The following AP1M1 variants were observed in gnomAD, a reference collection of about 807,000 sequenced individuals.
The protein encoded by AP1M1 is AP-1 complex subunit mu-1.
Under a neutral mutation model 57.1 loss-of-function variants are expected in AP1M1, and 18 were observed. The observed-to-expected ratio is 0.32, with a 90% confidence interval of 0.22 to 0.47. The LOEUF (loss-of-function observed/expected upper bound fraction) is 0.47. Ranked by LOEUF, AP1M1 falls within the 20% of genes least tolerant of loss-of-function variation. The probability of loss-of-function intolerance (pLI) is 1.00; values close to 1 mark genes in which losing one functional copy is unlikely to be tolerated. For missense variants in AP1M1, 362 were observed against 593.5 expected, an observed-to-expected ratio of 0.61 and a Z score of 4.05; for synonymous variants, 241 against 237.9, an observed-to-expected ratio of 1.01 and a Z score of -0.12.
At chr19:16,222,197 C>T (rs28461378) in intron 5 of AP1M1, among the ~76,000 whole-genome samples, 1,588 of 118,840 alleles carry the variant, frequency 0.013, 45 homozygotes, top group African/African-American at 0.046. Flanking sequence ...ATTATTATTA[C>T]TATTATTATT....
intron 10 of AP1M1, chr19:16,233,946 C>T (rs977466575): frequency 2.2e-5 from 12 of 552,996 alleles, no homozygotes; most frequent in East Asian, 1.5e-4. Flanking sequence ...GCCTTCTGGC[C>T]GGGCCCCCCA....
At position 16,238,395 on chromosome 19, in the gene AP1M1, C is replaced by A. The variant is rs2091633154; in HGVS notation, c.*3960C>A. The A allele has an allele frequency of 6.6e-6, 1 of 152,144 alleles. No individual in the cohort carries two copies. Among genetic ancestry groups the A allele is most frequent in the African/African-American group, 2.4e-5 (1 of 41,422 alleles). 9.4% of individuals were successfully genotyped at this position (152,144 alleles called of 1,614,324 possible). ...AAGGGACCACTGTAGTCCATTCATG[C>A]AAGAGATTACAGCAGTGAAAATGAA... On this transcript the variant is annotated 3_prime_UTR_variant, in exon 12 of 12. Coordinates refer to ENST00000291439, the MANE Select transcript of AP1M1 (RefSeq NM_032493.4).
At chr19:16,222,406 G>T (rs2091550180) in intron 5 of AP1M1, among the ~76,000 whole-genome samples, 1 of 150,846 alleles carries the variant, frequency 6.6e-6, no homozygotes, top group Admixed American at 6.6e-5. Flanking sequence ...AGAGATGAGG[G>T]TCTCTCTGTG....
intron 5 of AP1M1, among the ~76,000 whole-genome samples, chr19:16,214,628 A>G (rs887279431): frequency 4.6e-5 from 7 of 152,224 alleles, no homozygotes; most frequent in African/African-American, 1.4e-4. Flanking sequence ...CTGGGATTAC[A>G]GGCATGAGCC....
intron 5 of AP1M1, among the ~76,000 whole-genome samples, chr19:16,214,667 G>A (rs2091510002): frequency 6.6e-6 from 1 of 151,770 alleles, no homozygotes; most frequent in African/African-American, 2.4e-5. Context: ...TTCATATTTA[G>A]TACTTCTTTC....
chr19:16,221,925 A>G (rs1200197077), intron 5 of AP1M1, among the ~76,000 whole-genome samples: 1 of 152,174 alleles, frequency 6.6e-6, no homozygotes, highest in East Asian at 1.9e-4. Context: ...ACCTCAGGTG[A>G]TCCACCTGCC....
chr19:16,239,723 C>T lies in AP1M1; in HGVS notation c.*5288C>T, dbSNP rs2091638447. 6.6e-6 allele frequency: 1 copy of T among 151,704 alleles called. No individual in the cohort carries two copies. The highest frequency in any genetic ancestry group is 1.5e-5 in the Non-Finnish European group (1 of 67,966). The allele number at this position is 151,704 out of a possible 1,614,324, so 9.4% of individuals were successfully genotyped here. On this transcript the variant is annotated 3_prime_UTR_variant, in exon 12 of 12. Transcript: ENST00000291439. Reference sequence around the variant, plus strand: ...TCGCTTGAACCCGGGAGATGGCGCTCGCAGTGAGTCAAGATGGCACCGTTG... The same window carrying T: ...TCGCTTGAACCCGGGAGATGGCGCTTGCAGTGAGTCAAGATGGCACCGTTG...
In AP1M1 at chr19:16,212,514, CCTAT is replaced by C. The variant is rs898261972; in HGVS notation, c.546+3344_546+3347del. Among the ~76,000 whole-genome samples the C allele has an allele frequency of 6.6e-5, 10 of 152,154 alleles. 1 individual carries two copies. Among genetic ancestry groups the C allele is most frequent in the African/African-American group, 2.4e-4 (10 of 41,506 alleles). On this transcript the variant is annotated intron_variant, in intron 5 of 11. Coordinates refer to ENST00000291439, the MANE Select transcript of AP1M1 (RefSeq NM_032493.4). ...CTTTTCTTAATAGTCTAGCTAGCAG[CCTAT>C]CTATCTTATTCATTCTTTTAAAACA...
chr19:16,198,108 G>T (rs952055620), intron 1 of AP1M1, 40 bp downstream of exon 1: 3 of 1,586,656 alleles, frequency 1.9e-6, no homozygotes, highest in Non-Finnish European at 2.6e-6. Context: ...CCAGGCAACC[G>T]GCAGGGGCCT....
rs2145153384 is a variant in AP1M1, at chr19:16,244,353, C to T, written c.*9918C>T. ...AAGAAAATTGTAAACAGTGTACTCA[C>T]ATCAGGCACAAGGAAAGTGATCTCA... On this transcript the variant is annotated 3_prime_UTR_variant, in exon 12 of 12. Transcript: ENST00000291439. 6.6e-6 allele frequency: 1 copy of T among 152,330 alleles called. No homozygotes were observed. Among genetic ancestry groups the T allele is most frequent in the Non-Finnish European group, 1.5e-5 (1 of 68,048 alleles). The allele number at this position is 152,330 out of a possible 1,614,324, so 9.4% of individuals were successfully genotyped here.
chr19:16,240,622 G>T lies in AP1M1; in HGVS notation c.*6187G>T, dbSNP rs1315681141. On this transcript the variant is annotated 3_prime_UTR_variant, in exon 12 of 12. Coordinates refer to ENST00000291439, the MANE Select transcript of AP1M1 (RefSeq NM_032493.4). ...ACACCACCACGCCCGGCTAATTTTT[G>T]TATTTTTTGTAGAGATGGGGTTTCA... is the stretch of plus-strand genomic sequence containing the variant. 6.6e-6 allele frequency: 1 copy of T among 151,886 alleles called. No individual in the cohort carries two copies. The highest frequency in any genetic ancestry group is 2.4e-5 in the African/African-American group (1 of 41,344). 9.4% of individuals were successfully genotyped at this position (151,886 alleles called of 1,614,324 possible). A position where few individuals can be genotyped will look rare whatever the true frequency, so the allele number is the denominator to read the frequency against.
chr19:16,202,002 G>A (rs2091450182), intron 1 of AP1M1, among the ~76,000 whole-genome samples: 1 of 152,130 alleles, frequency 6.6e-6, no homozygotes. Context: ...CTTCTGTGTA[G>A]GAAGAGCCCT....
chr19:16,223,256 GGTCATT>G (rs2091553929), intron 5 of AP1M1, among the ~76,000 whole-genome samples: 1 of 152,162 alleles, frequency 6.6e-6, no homozygotes, highest in Non-Finnish European at 1.5e-5. Context: ...ACTGCCCAGT[GGTCATT>G]CTGGGACCCG....
At chr19:16,209,317 T>A in intron 5 of AP1M1, 140 bp downstream of exon 5, 1 of 931,930 alleles carries the variant, frequency 1.1e-6, no homozygotes, top group Non-Finnish European at 1.6e-6. Context: ...GGCCACTCAT[T>A]GAAATGTGAG....
intron 9 of AP1M1, among the ~76,000 whole-genome samples, chr19:16,232,024 G>A (rs2091601102): frequency 6.6e-6 from 1 of 152,192 alleles, no homozygotes; most frequent in Admixed American, 6.5e-5. Context: ...CCTTCTCCTG[G>A]CTCTCTCTGC....
At chr19:16,224,363 G>T (rs549637290) in intron 5 of AP1M1, among the ~76,000 whole-genome samples, 1 of 152,358 alleles carries the variant, frequency 6.6e-6, no homozygotes, top group Admixed American at 6.5e-5. Flanking sequence ...GCTGCATGTG[G>T]CTCCGCCCGG....
intron 5 of AP1M1, among the ~76,000 whole-genome samples, chr19:16,209,839 T>G (rs1435268963): frequency 6.6e-6 from 1 of 152,186 alleles, no homozygotes; most frequent in Non-Finnish European, 1.5e-5. Context: ...TTTGTATATT[T>G]TTTTCTTTTG....
At chr19:16,229,010 C>T in intron 9 of AP1M1, 82 bp downstream of exon 9, 1 of 1,500,574 alleles carries the variant, frequency 6.7e-7, no homozygotes, top group Non-Finnish European at 9.1e-7. Context: ...CCCCCTGCAC[C>T]TCAAGATGGG....
At chr19:16,224,948 G>A (rs1210579954) in intron 5 of AP1M1, among the ~76,000 whole-genome samples, 2 of 151,730 alleles carry the variant, frequency 1.3e-5, no homozygotes, top group Non-Finnish European at 2.9e-5. Context: ...GCAGCCCCAC[G>A]TGGCTTCCCC....
Sources: gnomAD v4.1 joint callset for allele counts (sites outside exome capture counted in the v4.1 genomes callset) on GRCh38, gnomAD v4.1.1 for gene constraint, MANE v1.5 for transcripts, NCBI Gene and HGNC (gene_info 2026-07-23, HGNC 2026-07-21) for gene names.